The following MAST4 variants were observed in gnomAD, a reference collection of about 807,000 sequenced individuals.
MAST4 encodes microtubule associated serine/threonine kinase family member 4.
A neutral mutation model predicts 162.7 loss-of-function variants in MAST4; 89 were observed. The ratio of observed to expected loss-of-function variants is 0.55; its 90% CI spans 0.46 to 0.65. MAST4 has a LOEUF of 0.65. MAST4 is among the 30% of genes least tolerant of loss of function. MAST4 has a pLI of 0.00. For missense variants in MAST4, 3,153 were observed against 3,374.0 expected (o/e 0.93, Z 1.62); for synonymous variants, 1,479 against 1,361.1 (o/e 1.09, Z -1.91).
At chr5:66,828,774 G>A in intron 3 of MAST4, 1 of 1,572,628 alleles carries the variant, frequency 6.4e-7, no homozygotes, top group Non-Finnish European at 8.6e-7. Context: ...CTCTGAATTA[G>A]CGTGCTGAAG....
intron 4 of MAST4, among the ~76,000 whole-genome samples, chr5:66,993,309 C>A (rs1012410572): frequency 1.3e-5 from 2 of 152,086 alleles, no homozygotes; most frequent in African/African-American, 4.8e-5. Context: ...TTTAGTTAAC[C>A]TTAGAAAAAT....
At chr5:66,921,574 T>C (rs1764538743) in intron 4 of MAST4, among the ~76,000 whole-genome samples, 1 of 151,994 alleles carries the variant, frequency 6.6e-6, no homozygotes, top group Admixed American at 6.6e-5. Context: ...CTGGCCAACA[T>C]GGTGAAACCT....
intron 4 of MAST4, chr5:67,001,632 T>C (rs959522211): frequency 6.6e-6 from 1 of 152,200 alleles, no homozygotes; most frequent in Non-Finnish European, 1.5e-5. Flanking sequence ...TTTTATGTCA[T>C]TGATTTATCC....
intron 5 of MAST4, among the ~76,000 whole-genome samples, chr5:67,059,018 A>C (rs1759218879): frequency 6.6e-6 from 1 of 152,210 alleles, no homozygotes; most frequent in African/African-American, 2.4e-5. Flanking sequence ...GGGTATTATG[A>C]GGCCAAAATC....
chr5:66,719,960 A>T (rs1751091391), intron 1 of MAST4, among the ~76,000 whole-genome samples: 2 of 152,182 alleles, frequency 1.3e-5, no homozygotes, highest in African/African-American at 4.8e-5. Context: ...CCTTATAGAG[A>T]GTTATGTATC....
chr5:66,714,808 T>A (rs1750716900), intron 1 of MAST4, among the ~76,000 whole-genome samples: 1 of 152,218 alleles, frequency 6.6e-6, no homozygotes, highest in Admixed American at 6.5e-5. Flanking sequence ...AACAGTCTGG[T>A]CTGTCTGTGG....
rs747167328 is a variant in MAST4, at chr5:67,145,300, C to T, written c.3015C>T (p.Ala1005=). 5.0e-6 allele frequency: 8 copies of T among 1,613,836 alleles called. No individual in the cohort carries two copies. The South Asian group carries it at 8.8e-5, about 18-fold the overall frequency. ...GDPHEEPGKP[A]LPPEECAQEE... is the part of the protein sequence containing the mutation. ...CCCATGAGGAGCCAGGAAAGCCAGC[C>T]CTTCCTCCTGAAGAGTGTGCCCAGG... Residue 1005 remains alanine, a synonymous_variant, in exon 23 of 29, where the codon GCC becomes GCT. Coordinates refer to ENST00000403625, the MANE Select transcript of MAST4 (RefSeq NM_001164664.2).
In MAST4 at chr5:67,168,590, A is replaced by C. The variant is rs1774300973; in HGVS notation, c.*1539A>C. The C allele has an allele frequency of 6.6e-6, 1 of 152,216 alleles. No individual in the cohort carries two copies. The highest frequency in any genetic ancestry group is 6.5e-5 in the Admixed American group (1 of 15,276). The allele number at this position is 152,216 out of a possible 1,614,324, so 9.4% of individuals were successfully genotyped here. On this transcript the variant is annotated 3_prime_UTR_variant, in exon 29 of 29. Coordinates refer to ENST00000403625, the MANE Select transcript of MAST4 (RefSeq NM_001164664.2). Reference sequence around the variant, plus strand: ...CACTTGCTGATATAAATACTAAGGCACTAAGAGAAAATACAGATAAGTATT... The same window carrying C: ...CACTTGCTGATATAAATACTAAGGCCCTAAGAGAAAATACAGATAAGTATT...
intron 5 of MAST4, among the ~76,000 whole-genome samples, chr5:67,073,741 A>G (rs1229723197): frequency 6.6e-6 from 1 of 152,244 alleles, no homozygotes; most frequent in Non-Finnish European, 1.5e-5. Flanking sequence ...TGCAAAGGAA[A>G]TAGTTTAATC....
chr5:66,650,117 A>G (rs964501023), intron 1 of MAST4, among the ~76,000 whole-genome samples: 1 of 152,164 alleles, frequency 6.6e-6, no homozygotes, highest in African/African-American at 2.4e-5. Context: ...AGCCTATTCA[A>G]TAAACATTTA....
rs145842970 is a variant in MAST4 at position 66,747,745 on chromosome 5, A to G, written c.364-11964A>G. 6.3e-3 allele frequency among the ~76,000 whole-genome samples: 957 copies of G among 152,150 alleles called. 7 individuals carry two copies. Among genetic ancestry groups the G allele is most frequent in the Admixed American group, 0.025 (388 of 15,282 alleles). On this transcript the variant is annotated intron_variant, in intron 1 of 28. Transcript: ENST00000403625. ...TAGGGCGGGGGTTCTCAATAATGGCATTGCTGATGCTTTGAGCTGGATAAT... is the reference window on the plus strand; with the variant it reads ...TAGGGCGGGGGTTCTCAATAATGGCGTTGCTGATGCTTTGAGCTGGATAAT...
chr5:67,071,655 G>T (rs916111726), intron 5 of MAST4, among the ~76,000 whole-genome samples: 10 of 152,200 alleles, frequency 6.6e-5, no homozygotes, highest in Non-Finnish European at 1.3e-4. Context: ...AGCTACCCAG[G>T]AGACTGAGGC....
intron 3 of MAST4, among the ~76,000 whole-genome samples, chr5:66,806,499 G>A (rs1756192488): frequency 6.6e-6 from 1 of 152,110 alleles, no homozygotes; most frequent in South Asian, 2.1e-4. Context: ...GGAAAGACTG[G>A]GAATCCTACA....
chr5:67,078,913 T>TAAATATATATATATAAATAA (rs1184932403), intron 5 of MAST4, among the ~76,000 whole-genome samples: 5 of 62,838 alleles, frequency 8.0e-5, no homozygotes, highest in African/African-American at 3.6e-4. Flanking sequence ...TTTATATAAA[T>TAAATATATATATATAAATAA]ATATATATAT....
intron 4 of MAST4, among the ~76,000 whole-genome samples, chr5:66,925,676 T>A (rs1764842204): frequency 6.6e-6 from 1 of 152,136 alleles, no homozygotes; most frequent in Non-Finnish European, 1.5e-5. Context: ...GAGTGGAGGC[T>A]CCCTAGGGGT....
In MAST4 at chr5:67,134,669, A is replaced by G. The variant is rs752033441; in HGVS notation, c.2373A>G (p.Leu791=). 1.1e-5 allele frequency: 18 copies of G among 1,613,138 alleles called. No individual in the cohort carries two copies. The highest frequency in any genetic ancestry group is 4.0e-5 in the African/African-American group (3 of 74,900). ...VPFFGDTPEE[L]FGQVISDEIN... ...TCTTTGGGGATACTCCAGAGGAGCT[A>G]TTTGGACAAGTCATCAGTGGTAAAT... The change falls in exon 18 of 29, where the codon CTA becomes CTG. Residue 791 remains leucine, a synonymous_variant. Transcript: ENST00000403625.
chr5:67,064,553 A>G (rs1760003906), intron 5 of MAST4, among the ~76,000 whole-genome samples: 1 of 152,208 alleles, frequency 6.6e-6, no homozygotes, highest in African/African-American at 2.4e-5. Context: ...CATTATCTTA[A>G]TTACTTTATT....
At chr5:66,791,650 G>A (rs1755414625) in intron 3 of MAST4, among the ~76,000 whole-genome samples, 2 of 152,162 alleles carry the variant, frequency 1.3e-5, no homozygotes, top group Non-Finnish European at 1.5e-5. Flanking sequence ...AGTCACAAAT[G>A]TTAGCAATAT....
intron 12 of MAST4, among the ~76,000 whole-genome samples, chr5:67,116,449 G>C (rs1766924856): frequency 1.3e-5 from 2 of 151,356 alleles, no homozygotes; most frequent in Admixed American, 6.6e-5. Context: ...CAGGTGATCT[G>C]TCTGCCTCGG....
Sources: allele counts gnomAD v4.1 joint callset (sites outside exome capture counted in the v4.1 genomes callset), GRCh38; gene constraint gnomAD v4.1.1; transcripts MANE v1.5; gene names NCBI Gene and HGNC (gene_info 2026-07-23, HGNC 2026-07-21).